STK39: variants seen among roughly 807,000 people sequenced by gnomAD.
STK39 encodes serine/threonine kinase 39.
In STK39, 20 loss-of-function variants were observed where a neutral mutation model predicts 77.8. The ratio of observed to expected loss-of-function variants is 0.26; its 90% CI spans 0.18 to 0.37. The LOEUF (loss-of-function observed/expected upper bound fraction) is 0.37. Ranked by LOEUF, STK39 falls within the 10% of genes least tolerant of loss-of-function variation. The pLI, the probability that STK39 is intolerant of heterozygous loss-of-function variation, is 1.00. For missense variants in STK39, 479 were observed against 656.5 expected (o/e 0.73, Z 2.95); for synonymous variants, 246 against 234.1 (o/e 1.05, Z -0.47).
rs148118048 is a variant in STK39 at position 168,167,249 on chromosome 2, C to A, written c.430+50G>T. 2.1e-4 allele frequency: 315 copies of A among 1,498,746 alleles called. No individual in the cohort carries two copies. In the African/African-American group the frequency reaches 4.0e-3, roughly 19 times the overall value. 92.8% of individuals were successfully genotyped at this position (1,498,746 alleles called of 1,614,324 possible). A position where few individuals can be genotyped will look rare whatever the true frequency, so the allele number is the denominator to read the frequency against. On this transcript the variant is annotated intron_variant, in intron 3 of 17. Transcript: ENST00000355999. Reference sequence around the variant, plus strand: ...GTCTTCTCCAATATGCTGGTTCCAACAAAAGGAGAGAAAACAAGCAAATAA... The same window carrying A: ...GTCTTCTCCAATATGCTGGTTCCAAAAAAAGGAGAGAAAACAAGCAAATAA...
intron 16 of STK39, among the ~76,000 whole-genome samples, chr2:168,007,408 T>G (rs1042982551): frequency 6.6e-6 from 1 of 152,146 alleles, no homozygotes; most frequent in Non-Finnish European, 1.5e-5. Context: ...GGGCCTACTA[T>G]GTGAAATGCA....
At chr2:168,167,247 A>G (rs1688714076) in intron 3 of STK39, 52 bp downstream of exon 3, 1 of 1,485,598 alleles carries the variant, frequency 6.7e-7, no homozygotes, top group African/African-American at 1.4e-5. Context: ...TGCTGGTTCC[A>G]ACAAAAGGAG....
chr2:168,072,579 G>A (rs1389641115), intron 12 of STK39, among the ~76,000 whole-genome samples: 3 of 152,190 alleles, frequency 2.0e-5, no homozygotes, highest in Non-Finnish European at 4.4e-5. Flanking sequence ...GCTCCACAAG[G>A]ACGGGGATTT....
chr2:168,247,204 CCCCGCCGCG>C lies in STK39; in HGVS notation c.208+15_208+23del. ...GGCCTCGGCGCCCGGCCTGTGCCGGCCCCGCCGCGCCCGCCGCACTGACCGATAACCTCC... is the reference window on the plus strand; with the variant it reads ...GGCCTCGGCGCCCGGCCTGTGCCGGCCCCGCCGCACTGACCGATAACCTCC... On this transcript the variant is annotated intron_variant, in intron 1 of 17. Coordinates refer to ENST00000355999, the MANE Select transcript of STK39 (RefSeq NM_013233.3). 1 of 1,191,014 alleles carries C rather than the reference CCCCGCCGCG, an allele frequency of 8.4e-7. No individual in the cohort carries two copies. Among genetic ancestry groups the C allele is most frequent in the Admixed American group, 4.2e-5 (1 of 23,758 alleles). 73.8% of individuals were successfully genotyped at this position (1,191,014 alleles called of 1,614,324 possible).
chr2:168,147,348 G>A (rs1346682819), intron 5 of STK39, among the ~76,000 whole-genome samples: 2 of 152,112 alleles, frequency 1.3e-5, no homozygotes, highest in African/African-American at 2.4e-5. Flanking sequence ...CGGCCTTCCC[G>A]AGTCCCACAG....
chr2:167,960,554 G>A (rs965195813), intron 17 of STK39, among the ~76,000 whole-genome samples: 1 of 152,050 alleles, frequency 6.6e-6, no homozygotes, highest in African/African-American at 2.4e-5. Flanking sequence ...ACATTATCAG[G>A]GACCTAATGT....
intron 10 of STK39, among the ~76,000 whole-genome samples, chr2:168,119,802 T>C (rs1331019556): frequency 6.6e-6 from 1 of 152,212 alleles, no homozygotes; most frequent in Non-Finnish European, 1.5e-5. Context: ...TAACCTTCGA[T>C]ATTTTATAAG....
chr2:168,092,497 C>A (rs1271864215), intron 10 of STK39, among the ~76,000 whole-genome samples: 1 of 152,202 alleles, frequency 6.6e-6, no homozygotes, highest in Non-Finnish European at 1.5e-5. Context: ...CTAACAAGGG[C>A]CAGCCACTGA....
intron 14 of STK39, among the ~76,000 whole-genome samples, chr2:168,027,881 CAT>C (rs890031027): frequency 2.0e-5 from 3 of 152,226 alleles, no homozygotes; most frequent in African/African-American, 7.2e-5. Flanking sequence ...GCAGTGCACA[CAT>C]GTCAGCCTTT....
intron 14 of STK39, among the ~76,000 whole-genome samples, chr2:168,039,647 G>A (rs1281059948): frequency 6.6e-6 from 1 of 151,636 alleles, no homozygotes; most frequent in Non-Finnish European, 1.5e-5. Flanking sequence ...GCCTTTGCCA[G>A]AGGTGGAGGG....
chr2:168,055,970 A>AT (rs1034842839), intron 14 of STK39, among the ~76,000 whole-genome samples: 1 of 152,120 alleles, frequency 6.6e-6, no homozygotes, highest in South Asian at 2.1e-4. Context: ...TGATAATTCA[A>AT]TTTTTTTGAT....
At chr2:168,236,852 C>G (rs1690625152) in intron 1 of STK39, among the ~76,000 whole-genome samples, 1 of 152,072 alleles carries the variant, frequency 6.6e-6, no homozygotes, top group Admixed American at 6.6e-5. Context: ...GTTACTGTAG[C>G]CTTGTAGGAT....
In STK39 at chr2:168,247,483, T is replaced by A; in HGVS notation, c.-48A>T. The A allele has an allele frequency of 1.6e-6, 2 of 1,269,690 alleles. No individual in the cohort carries two copies. Among genetic ancestry groups the A allele is most frequent in the African/African-American group, 1.6e-5 (1 of 62,950 alleles). The allele number at this position is 1,269,690 out of a possible 1,614,324, so 78.7% of individuals were successfully genotyped here. A position where few individuals can be genotyped will look rare whatever the true frequency, so the allele number is the denominator to read the frequency against. On this transcript the variant is annotated 5_prime_UTR_variant, in exon 1 of 18. Coordinates refer to ENST00000355999, the MANE Select transcript of STK39 (RefSeq NM_013233.3). ...GGACGCGCCGGCCGACGGACGACCT[T>A]CCACTTGAAACTTCCTTTGCCTCGC...
intron 1 of STK39, among the ~76,000 whole-genome samples, chr2:168,212,247 T>C (rs931893626): frequency 1.3e-5 from 2 of 152,230 alleles, no homozygotes; most frequent in South Asian, 2.1e-4. Context: ...CAGACGAATA[T>C]ATTCGTTCAG....
At chr2:168,035,374 A>G (rs1411476882) in intron 14 of STK39, among the ~76,000 whole-genome samples, 2 of 152,214 alleles carry the variant, frequency 1.3e-5, no homozygotes, top group African/African-American at 4.8e-5. Flanking sequence ...CCCAAAGGGT[A>G]GTTATTAAAA....
At chr2:167,988,880 A>G (rs1683628287) in intron 16 of STK39, among the ~76,000 whole-genome samples, 1 of 152,204 alleles carries the variant, frequency 6.6e-6, no homozygotes. Flanking sequence ...GCTCAGAGTC[A>G]TGCTTTATGG....
At chr2:168,165,748 A>AT (rs1688680192) in intron 3 of STK39, among the ~76,000 whole-genome samples, 1 of 151,656 alleles carries the variant, frequency 6.6e-6, no homozygotes, top group South Asian at 2.1e-4. Context: ...TCGTCATCTC[A>AT]TTTTTGGGCT....
intron 12 of STK39, among the ~76,000 whole-genome samples, chr2:168,074,240 T>C (rs760598991): frequency 6.6e-6 from 1 of 152,260 alleles, no homozygotes; most frequent in African/African-American, 2.4e-5. Context: ...ATATCATTTG[T>C]AGTCCAAAGA....
At chr2:168,181,917 T>TC in intron 2 of STK39, 61 bp downstream of exon 2, 1 of 1,427,542 alleles carries the variant, frequency 7.0e-7, no homozygotes, top group Non-Finnish European at 9.9e-7. Flanking sequence ...CTCCCAACCA[T>TC]CCCCATATAC....
Sources: allele counts gnomAD v4.1 joint callset (sites outside exome capture counted in the v4.1 genomes callset), GRCh38; gene constraint gnomAD v4.1.1; transcripts MANE v1.5; gene names NCBI Gene and HGNC (gene_info 2026-07-23, HGNC 2026-07-21).